CCDC126: variants seen among roughly 807,000 people sequenced by gnomAD.
CCDC126 encodes coiled-coil domain-containing protein 126.
In CCDC126, 5 loss-of-function variants were observed where a neutral mutation model predicts 11.7. That is an observed-to-expected ratio of 0.43 (90% CI 0.22 to 0.90). The LOEUF is 0.90. Among genes scored for constraint, CCDC126 ranks in the 40% least tolerant of loss-of-function variants. CCDC126 has a pLI of 0.27. For missense variants in CCDC126, 150 were observed against 163.1 expected, an observed-to-expected ratio of 0.92 and a Z score of 0.44; for synonymous variants, 60 against 61.9, an observed-to-expected ratio of 0.97 and a Z score of 0.14.
chr7:23,612,291 C>T (rs1041741118), intron 3 of CCDC126, among the ~76,000 whole-genome samples: 2 of 150,646 alleles, frequency 1.3e-5, no homozygotes, highest in African/African-American at 2.4e-5. Flanking sequence ...ATAGTGAGAC[C>T]GCTACTAAAA....
At chr7:23,623,612 AT>A (rs2128018724) in intron 3 of CCDC126, among the ~76,000 whole-genome samples, 1 of 143,494 alleles carries the variant, frequency 7.0e-6, no homozygotes, top group South Asian at 2.3e-4. Context: ...AAAAAAAAAA[AT>A]TTAGTGATGG....
chr7:23,642,137 A>G (rs1003791657), intron 3 of CCDC126, among the ~76,000 whole-genome samples: 1 of 151,954 alleles, frequency 6.6e-6, no homozygotes, highest in Non-Finnish European at 1.5e-5. Flanking sequence ...TCAGCCTCCC[A>G]AGTAGCTGGG....
chr7:23,630,604 C>T (rs980404406), intron 3 of CCDC126, among the ~76,000 whole-genome samples: 4 of 150,016 alleles, frequency 2.7e-5, no homozygotes, highest in Non-Finnish European at 4.4e-5. Flanking sequence ...AACAGGAGCT[C>T]TTAACTAGGG....
At chr7:23,610,357 G>T (rs889616899) in intron 2 of CCDC126, among the ~76,000 whole-genome samples, 1 of 152,034 alleles carries the variant, frequency 6.6e-6, no homozygotes, top group African/African-American at 2.4e-5. Context: ...GACTACAGGC[G>T]CATGCCACCA....
intron 3 of CCDC126, among the ~76,000 whole-genome samples, chr7:23,639,449 C>G (rs1325524414): frequency 1.3e-5 from 2 of 152,176 alleles, no homozygotes; most frequent in Non-Finnish European, 2.9e-5. Flanking sequence ...AGTGATCCAT[C>G]CTGCCTCGGC....
intron 2 of CCDC126, among the ~76,000 whole-genome samples, chr7:23,605,398 CTTGT>C (rs1782605753): frequency 9.9e-6 from 1 of 100,662 alleles, no homozygotes; most frequent in African/African-American, 4.1e-5. Flanking sequence ...ATGTGATATG[CTTGT>C]GTGTGTGTGT....
chr7:23,633,023 G>C lies in CCDC126; in HGVS notation c.239-9908G>C, dbSNP rs574344509. 1.2e-4 allele frequency among the ~76,000 whole-genome samples: 18 copies of C among 151,936 alleles called. No individual in the cohort carries two copies. In the South Asian group the frequency reaches 3.7e-3, roughly 32 times the overall value. On this transcript the variant is annotated intron_variant, in intron 3 of 3. Transcript: ENST00000307471. ...TCCTTTTTTTTTGAGACGGAGTTTC[G>C]CTCTTGTTGCCCAGGCTGGAGTGCA... is the stretch of plus-strand genomic sequence containing the variant.
chr7:23,602,198 A>C (rs995828068), intron 2 of CCDC126: 8 of 152,180 alleles, frequency 5.3e-5, no homozygotes, highest in African/African-American at 1.9e-4. Flanking sequence ...GCCTGTAATA[A>C]ATATACAAAT....
At chr7:23,640,098 G>C (rs536192661) in intron 3 of CCDC126, among the ~76,000 whole-genome samples, 1 of 151,008 alleles carries the variant, frequency 6.6e-6, no homozygotes, top group Non-Finnish European at 1.5e-5. Context: ...CAGGAGAATC[G>C]CTTGAACCTG....
intron 3 of CCDC126, among the ~76,000 whole-genome samples, chr7:23,638,102 GC>G (rs1783274522): frequency 7.2e-6 from 1 of 139,438 alleles, no homozygotes; most frequent in South Asian, 2.4e-4. Context: ...GGGGGGGTCA[GC>G]CCCCCGCCCG....
chr7:23,599,858 C>T (rs1348597504), intron 2 of CCDC126, among the ~76,000 whole-genome samples: 1 of 152,196 alleles, frequency 6.6e-6, no homozygotes, highest in East Asian at 1.9e-4. Context: ...GATCTCTGCA[C>T]ACTGCATCCT....
At chr7:23,613,015 TA>T (rs1228148178) in intron 3 of CCDC126, among the ~76,000 whole-genome samples, 1 of 152,136 alleles carries the variant, frequency 6.6e-6, no homozygotes, top group East Asian at 1.9e-4. Flanking sequence ...TTTGTTTGTT[TA>T]ATTAAAAGTT....
chr7:23,640,189 A>G (rs1322442275), intron 3 of CCDC126, among the ~76,000 whole-genome samples: 2 of 139,068 alleles, frequency 1.4e-5, no homozygotes, highest in Non-Finnish European at 3.3e-5. Context: ...TCTCAAAAAA[A>G]ATAATAATAA....
chr7:23,600,120 T>G (rs1782510452), intron 2 of CCDC126, among the ~76,000 whole-genome samples: 1 of 152,118 alleles, frequency 6.6e-6, no homozygotes, highest in Non-Finnish European at 1.5e-5. Context: ...AGCATAATGG[T>G]TAGTTTTCTT....
At chr7:23,608,169 C>T (rs534907221) in intron 2 of CCDC126, among the ~76,000 whole-genome samples, 15 of 152,160 alleles carry the variant, frequency 9.9e-5, no homozygotes, top group Non-Finnish European at 2.1e-4. Flanking sequence ...CCTCTGATGT[C>T]AAAAGGTGAA....
At chr7:23,637,505 A>G (rs1410304281) in intron 3 of CCDC126, among the ~76,000 whole-genome samples, 64 of 67,790 alleles carry the variant, frequency 9.4e-4, no homozygotes, top group African/African-American at 3.6e-3. Flanking sequence ...CCGCCCGGCC[A>G]GCCGCCCCGT....
intron 2 of CCDC126, chr7:23,601,741 G>A (rs528214188): frequency 7.9e-5 from 12 of 152,278 alleles, no homozygotes; most frequent in African/African-American, 2.9e-4. Context: ...TAGAGTCTCT[G>A]TCACCCATAG....
intron 3 of CCDC126, among the ~76,000 whole-genome samples, chr7:23,638,274 G>A (rs1783279941): frequency 1.3e-5 from 2 of 151,378 alleles, no homozygotes; most frequent in Admixed American, 6.6e-5. Context: ...GGAATAGAAA[G>A]GCGGGAAGGG....
At chr7:23,616,505 A>G (rs936952231) in intron 3 of CCDC126, among the ~76,000 whole-genome samples, 1 of 152,208 alleles carries the variant, frequency 6.6e-6, no homozygotes, top group Non-Finnish European at 1.5e-5. Flanking sequence ...TCTTGAAAAG[A>G]TCTTTTTCCC....
Sources: gnomAD v4.1 joint callset for allele counts (sites outside exome capture counted in the v4.1 genomes callset) on GRCh38, gnomAD v4.1.1 for gene constraint, MANE v1.5 for transcripts, NCBI Gene and HGNC (gene_info 2026-07-23, HGNC 2026-07-21) for gene names.